ALG6: variants seen among roughly 807,000 people sequenced by gnomAD.
ALG6 encodes dolichyl pyrophosphate Man9GlcNAc2 alpha-1,3-glucosyltransferase.
In ALG6, 46 loss-of-function variants were observed where a neutral mutation model predicts 66.6. The ratio of observed to expected loss-of-function variants is 0.69; its 90% CI spans 0.55 to 0.88. ALG6 has a LOEUF of 0.88. Among genes scored for constraint, ALG6 ranks in the 40% least tolerant of loss-of-function variants. The pLI is 0.00. For synonymous variants in ALG6, 185 were observed against 203.7 expected, an observed-to-expected ratio of 0.91 and a Z score of 0.78; for missense variants, 505 against 586.8, an observed-to-expected ratio of 0.86 and a Z score of 1.44.
chr1:63,402,488 ATG>A, intron 4 of ALG6, 145 bp downstream of exon 4: 1 of 508,960 alleles, frequency 2.0e-6, no homozygotes, highest in Non-Finnish European at 3.3e-6. Flanking sequence ...TTTTTTTGAG[ATG>A]AAGTCTCACT....
intron 12 of ALG6, among the ~76,000 whole-genome samples, chr1:63,427,167 A>AT (rs534868219): frequency 0.075 from 10,051 of 134,204 alleles, 458 homozygotes; most frequent in South Asian, 0.11. Flanking sequence ...TGTCCAGCTA[A>AT]TTTTTTTTTT....
chr1:63,410,705 G>A (rs1347070667), intron 7 of ALG6, among the ~76,000 whole-genome samples: 1 of 152,026 alleles, frequency 6.6e-6, no homozygotes, highest in Non-Finnish European at 1.5e-5. Flanking sequence ...TTCTAATTAA[G>A]TACATATATT....
intron 3 of ALG6, among the ~76,000 whole-genome samples, chr1:63,398,765 G>A (rs1446141722): frequency 4.6e-5 from 7 of 152,082 alleles, no homozygotes; most frequent in African/African-American, 9.7e-5. Flanking sequence ...TTGAGCCACC[G>A]TGCCTGGCCG....
At position 63,400,377 on chromosome 1, in the gene ALG6, A is replaced by T. The variant is rs1165896969; in HGVS notation, c.168-1877A>T. Among the ~76,000 whole-genome samples the T allele has an allele frequency of 2.2e-5, 3 of 137,294 alleles. 1 individual carries two copies. The highest frequency in any genetic ancestry group is 8.2e-5 in the African/African-American group (3 of 36,536). The allele number at this position is 137,294 out of a possible 152,430, so 90.1% of individuals were successfully genotyped here. On this transcript the variant is annotated intron_variant, in intron 3 of 14. Coordinates refer to ENST00000263440, the MANE Select transcript of ALG6 (RefSeq NM_013339.4). The stretch of plus-strand genomic sequence containing the variant: ...TATATATATGTATATATATGTATAT[A>T]TATATAAAATATAAAGCAGGAGTAT...
At chr1:63,377,832 C>T (rs1204694664) in intron 2 of ALG6, among the ~76,000 whole-genome samples, 1 of 152,186 alleles carries the variant, frequency 6.6e-6, no homozygotes, top group Non-Finnish European at 1.5e-5. Context: ...TTCCTGGGCT[C>T]AGAGGATCCT....
At chr1:63,397,822 C>G (rs957960915) in intron 3 of ALG6, among the ~76,000 whole-genome samples, 1 of 152,168 alleles carries the variant, frequency 6.6e-6, no homozygotes, top group Admixed American at 6.5e-5. Flanking sequence ...AATCATTTAA[C>G]TTTCTCAACC....
rs1281031267 is a variant in ALG6, at chr1:63,419,377, G to A, written c.995G>A (p.Cys332Tyr). ...CCCCCTTTTTTCTTAAAGGTTAGCT[G>A]TGCGCTATCATTCTTTTTATTTTCT... ...SKGFKFTLVSCALSFFLFSFQ... is the reference protein window; with the variant it reads ...SKGFKFTLVSYALSFFLFSFQ... The change falls in exon 12 of 15, where the codon TGT (cysteine) becomes TAT (tyrosine). Residue 332 changes from cysteine to tyrosine, a missense_variant. Physicochemically the swap from Cys to Tyr is radical, Grantham distance 194 (BLOSUM62 -2). Coordinates refer to ENST00000263440, the MANE Select transcript of ALG6 (RefSeq NM_013339.4). The A allele has an allele frequency of 1.2e-6, 2 of 1,608,618 alleles. No homozygotes were observed.
At chr1:63,372,981 T>C (rs1044684954) in intron 2 of ALG6, among the ~76,000 whole-genome samples, 1 of 151,680 alleles carries the variant, frequency 6.6e-6, no homozygotes, top group Non-Finnish European at 1.5e-5. Flanking sequence ...TATAGATGTA[T>C]ACACACACAC....
intron 2 of ALG6, among the ~76,000 whole-genome samples, chr1:63,393,785 G>T (rs1340462571): frequency 6.6e-6 from 1 of 152,110 alleles, no homozygotes; most frequent in African/African-American, 2.4e-5. Flanking sequence ...AAAAATCAGG[G>T]ACTCACAAAC....
chr1:63,381,193 G>A (rs1006399647), intron 2 of ALG6, among the ~76,000 whole-genome samples: 5 of 151,866 alleles, frequency 3.3e-5, no homozygotes, highest in African/African-American at 9.7e-5. Context: ...GGTGGCTCAC[G>A]CCTGTAATCC....
intron 7 of ALG6, among the ~76,000 whole-genome samples, chr1:63,407,807 A>G (rs1173110510): frequency 6.6e-6 from 1 of 152,118 alleles, no homozygotes; most frequent in Non-Finnish European, 1.5e-5. Context: ...TTTAGTTATA[A>G]TAACACTAAT....
Position 63,398,871 on chromosome 1 carries a change from A to C in ALG6, c.167+2274A>C, listed in dbSNP as rs115054520. Among the ~76,000 whole-genome samples, 1,206 of 152,300 alleles carry C rather than the reference A, an allele frequency of 7.9e-3. 9 individuals carry two copies. Among genetic ancestry groups the C allele is most frequent in the African/African-American group, 0.028 (1,153 of 41,570 alleles). On this transcript the variant is annotated intron_variant, in intron 3 of 14. Coordinates refer to ENST00000263440, the MANE Select transcript of ALG6 (RefSeq NM_013339.4). ...GTAATGATTTGTATGATTTTTAAATAGTTATACTAATTTTCTATGCTGTGT... is the reference window on the plus strand; with the variant it reads ...GTAATGATTTGTATGATTTTTAAATCGTTATACTAATTTTCTATGCTGTGT...
intron 14 of ALG6, among the ~76,000 whole-genome samples, chr1:63,430,778 C>T (rs1220382216): frequency 6.6e-6 from 1 of 152,082 alleles, no homozygotes; most frequent in East Asian, 1.9e-4. Flanking sequence ...AATATATATT[C>T]TTGATATGAG....
chr1:63,399,749 G>C (rs1188578398), intron 3 of ALG6, among the ~76,000 whole-genome samples: 2 of 151,984 alleles, frequency 1.3e-5, no homozygotes, highest in Non-Finnish European at 2.9e-5. Context: ...ACATCTTAAA[G>C]TTAATGGTAA....
At chr1:63,375,125 C>T (rs539984368) in intron 2 of ALG6, among the ~76,000 whole-genome samples, 6 of 152,100 alleles carry the variant, frequency 3.9e-5, no homozygotes, top group East Asian at 3.9e-4. Flanking sequence ...TGCTTGAACC[C>T]GGGAGGCGGA....
chr1:63,368,233 G>T lies in ALG6; in HGVS notation c.-208+546G>T, dbSNP rs1050199593. Among the ~76,000 whole-genome samples, 10 of 152,278 alleles carry T rather than the reference G, an allele frequency of 6.6e-5. No homozygotes were observed. In the South Asian group the frequency reaches 8.3e-4, roughly 13 times the overall value. On this transcript the variant is annotated intron_variant, in intron 1 of 14. Transcript: ENST00000263440. ...TTCTGATTTACAGGTGGAAAAAGTCGCAAATAACCCTTTTTCTGGTTTAAG... is the reference window on the plus strand; with the variant it reads ...TTCTGATTTACAGGTGGAAAAAGTCTCAAATAACCCTTTTTCTGGTTTAAG...
chr1:63,435,419 C>T (rs1442417981), intron 14 of ALG6, among the ~76,000 whole-genome samples: 1 of 152,132 alleles, frequency 6.6e-6, no homozygotes, highest in Non-Finnish European at 1.5e-5. Flanking sequence ...TGCTTGTAAG[C>T]TTTCTTGGCG....
intron 12 of ALG6, among the ~76,000 whole-genome samples, chr1:63,421,576 A>G (rs1644573631): frequency 6.6e-6 from 1 of 152,210 alleles, no homozygotes; most frequent in Non-Finnish European, 1.5e-5. Flanking sequence ...ATGCACATGT[A>G]TGTTTATTGC....
intron 2 of ALG6, among the ~76,000 whole-genome samples, chr1:63,385,342 G>A (rs1194557466): frequency 6.6e-6 from 1 of 151,358 alleles, no homozygotes; most frequent in Non-Finnish European, 1.5e-5. Context: ...TGGGATTATA[G>A]GCGCATGCCA....
Sources: gnomAD v4.1 joint callset for allele counts (sites outside exome capture counted in the v4.1 genomes callset) on GRCh38, gnomAD v4.1.1 for gene constraint, MANE v1.5 for transcripts, NCBI Gene and HGNC (gene_info 2026-07-23, HGNC 2026-07-21) for gene names.